ZNF251: variants seen among roughly 807,000 people sequenced by gnomAD.
The protein encoded by ZNF251 is zinc finger protein 251.
A neutral mutation model predicts 13.5 loss-of-function variants in ZNF251; 14 were observed. The ratio of observed to expected loss-of-function variants is 1.04; its 90% CI spans 0.69 to 1.63. The LOEUF is 1.63. ZNF251 is among the 40% of genes most tolerant of loss of function. The probability of loss-of-function intolerance (pLI) is 0.00; values close to 1 mark genes in which losing one functional copy is unlikely to be tolerated. For synonymous variants in ZNF251, 287 were observed against 295.2 expected (o/e 0.97, Z 0.28); for missense variants, 764 against 834.9 (o/e 0.92, Z 1.05).
At chr8:144,729,783 C>T (rs1338423255) in intron 4 of ZNF251, among the ~76,000 whole-genome samples, 2 of 152,132 alleles carry the variant, frequency 1.3e-5, no homozygotes, top group African/African-American at 2.4e-5. Context: ...AGAGCTTGAG[C>T]CCACGAGGTG....
In ZNF251 at chr8:144,722,228, G is replaced by A. The variant is rs778549187; in HGVS notation, c.1432C>T (p.Leu478=). The change falls in exon 5 of 5, where the codon CTA becomes TTA. Residue 478 remains leucine (L), a synonymous_variant. Coordinates refer to ENST00000292562, the MANE Select transcript of ZNF251 (RefSeq NM_138367.2). This position sits in a 1 kb window ranked among gnomAD's most constrained non-coding sequence, Gnocchi z 4.8. ...KAFSQSSQLT[L]HQRVHTGEKP... Reference sequence around the variant, plus strand: ...TCTCCAGTGTGAACTCGCTGATGTAGGGTGAGCTGGGAGCTCTGGCTGAAA... The same window carrying A: ...TCTCCAGTGTGAACTCGCTGATGTAAGGTGAGCTGGGAGCTCTGGCTGAAA... The A allele has an allele frequency of 2.5e-6, 4 of 1,613,832 alleles. No individual in the cohort carries two copies. In the East Asian group the frequency reaches 6.7e-5, roughly 27 times the overall value.
At chr8:144,746,957 T>C (rs1824457465) in intron 4 of ZNF251, among the ~76,000 whole-genome samples, 1 of 152,196 alleles carries the variant, frequency 6.6e-6, no homozygotes, top group South Asian at 2.1e-4. Flanking sequence ...CTGTTTTCCA[T>C]TTCATTGATT....
In ZNF251 at chr8:144,745,022, C is replaced by A. The variant is rs184368672; in HGVS notation, c.277+8661G>T. Among the ~76,000 whole-genome samples the A allele has an allele frequency of 2.2e-3, 337 of 152,228 alleles. 1 individual carries two copies. Among genetic ancestry groups the A allele is most frequent in the African/African-American group, 7.1e-3 (294 of 41,538 alleles). On this transcript the variant is annotated intron_variant, in intron 4 of 4. Transcript: ENST00000292562. ...AGTGAGCAGAGATTGTGCTACAGCACCCCAGCCTGGGTGACCAGAACGAGA... is the reference window on the plus strand; with the variant it reads ...AGTGAGCAGAGATTGTGCTACAGCAACCCAGCCTGGGTGACCAGAACGAGA...
At chr8:144,732,609 G>GTTT (rs1563758729) in intron 4 of ZNF251, among the ~76,000 whole-genome samples, 64 of 151,218 alleles carry the variant, frequency 4.2e-4, no homozygotes, top group African/African-American at 1.5e-3. Context: ...TCAGGAGATG[G>GTTT]AGACCATCCT....
chr8:144,724,176 GGAGCGAACCCGGGAGGCA>G (rs1169345365), intron 4 of ZNF251, among the ~76,000 whole-genome samples: 1 of 151,092 alleles, frequency 6.6e-6, no homozygotes, highest in Non-Finnish European at 1.5e-5. Context: ...CCCAGGAGGC[GGAGCGAACCCGGGAGGCA>G]GAGCTTGCAG....
At chr8:144,754,607 T>G in intron 2 of ZNF251, 89 bp downstream of exon 2, 1 of 1,502,494 alleles carries the variant, frequency 6.7e-7, no homozygotes, top group South Asian at 1.4e-5. Context: ...GCCTTACCAG[T>G]TGCCGGGCTC....
At chr8:144,747,932 T>G (rs1436584766) in intron 4 of ZNF251, among the ~76,000 whole-genome samples, 1 of 151,844 alleles carries the variant, frequency 6.6e-6, no homozygotes, top group East Asian at 1.9e-4. Flanking sequence ...TTTTTAGAGA[T>G]AGTGTCTCAC....
At position 144,723,185 on chromosome 8, in the gene ZNF251, T is replaced by C; in HGVS notation, c.475A>G (p.Asn159Asp). The change falls in exon 5 of 5, where the codon AAT (asparagine) becomes GAT (aspartate). Residue 159 changes from asparagine (N) to aspartate (D), a missense_variant. Asn to Asp is a conservative substitution (Grantham distance 23). Coordinates refer to ENST00000292562, the MANE Select transcript of ZNF251 (RefSeq NM_138367.2). ...TCTGTTAAAACTCTCTTGTGAATAT[T>C]GGGTTTGTTCAAACTCTGCCCGGCA... Reference protein sequence around the residue: ...NSAGQSLNKPNIHKRVLTEAT... With the variant: ...NSAGQSLNKPDIHKRVLTEAT... The C allele has an allele frequency of 6.2e-7, 1 of 1,612,310 alleles. No individual in the cohort carries two copies. The highest frequency in any genetic ancestry group is 8.5e-7 in the Non-Finnish European group (1 of 1,179,022).
At chr8:144,747,590 AT>A (rs1472746456) in intron 4 of ZNF251, among the ~76,000 whole-genome samples, 9 of 152,324 alleles carry the variant, frequency 5.9e-5, no homozygotes, top group African/African-American at 2.2e-4. Flanking sequence ...TTGTAGTTCT[AT>A]CAGTTTTCGC....
rs763532153 is a variant in ZNF251, at chr8:144,722,409, G to A, written c.1251C>T (p.Asn417=). The change falls in exon 5 of 5, where the codon AAC becomes AAT. Residue 417 remains asparagine, a synonymous_variant. Coordinates refer to ENST00000292562, the MANE Select transcript of ZNF251 (RefSeq NM_138367.2). The surrounding 1 kb of genome is among the most constrained non-coding windows in gnomAD (Gnocchi z 4.8). The part of the protein sequence containing the change: ...CNECGRAFGF[N]SHLTEHVRIH... The stretch of plus-strand genomic sequence containing the variant: ...TCCTTACGTGTTCAGTAAGATGAGA[G>A]TTAAAACCAAAGGCTCTGCCGCATT... 15 of 1,613,822 alleles carry A rather than the reference G, an allele frequency of 9.3e-6. No homozygotes were observed. In the East Asian group the frequency reaches 3.1e-4, roughly 34 times the overall value.
chr8:144,728,640 G>A (rs1214152119), intron 4 of ZNF251, among the ~76,000 whole-genome samples: 1 of 146,862 alleles, frequency 6.8e-6, no homozygotes, highest in African/African-American at 2.6e-5. Flanking sequence ...TCCAGTCTGG[G>A]CGACAGAGCA....
At chr8:144,725,021 T>A (rs1252451550) in intron 4 of ZNF251, among the ~76,000 whole-genome samples, 1 of 152,200 alleles carries the variant, frequency 6.6e-6, no homozygotes, top group Admixed American at 6.5e-5. Context: ...TTCTTGTTTT[T>A]TTTTTCTTTG....
At position 144,723,103 on chromosome 8, in the gene ZNF251, A is replaced by G; in HGVS notation, c.557T>C (p.Phe186Ser). 6.2e-7 allele frequency: 1 copy of G among 1,613,990 alleles called. No homozygotes were observed. Among genetic ancestry groups the G allele is most frequent in the Non-Finnish European group, 8.5e-7 (1 of 1,179,874 alleles). ...LGERTQECSAFDRNLNLDQNV... is the reference protein window; with the variant it reads ...LGERTQECSASDRNLNLDQNV... ...TTGGTCCAGATTCAAGTTTCTATCAAATGCACTACACTCTTGGGTTCTTTC... is the reference window on the plus strand; with the variant it reads ...TTGGTCCAGATTCAAGTTTCTATCAGATGCACTACACTCTTGGGTTCTTTC... Residue 186 changes from phenylalanine to serine, a missense_variant, in exon 5 of 5, where the codon TTT (phenylalanine) becomes TCT (serine). Phe to Ser is a radical substitution (Grantham distance 155). Coordinates refer to ENST00000292562, the MANE Select transcript of ZNF251 (RefSeq NM_138367.2).
chr8:144,732,648 T>TA (rs1366981349), intron 4 of ZNF251, among the ~76,000 whole-genome samples: 1 of 151,318 alleles, frequency 6.6e-6, no homozygotes, highest in Non-Finnish European at 1.5e-5. Context: ...CCGTCTCTAC[T>TA]AAAAATACAA....
intron 4 of ZNF251, among the ~76,000 whole-genome samples, chr8:144,743,606 G>A (rs919415626): frequency 6.6e-6 from 1 of 152,188 alleles, no homozygotes; most frequent in African/African-American, 2.4e-5. Flanking sequence ...GGATCACATG[G>A]TAAAGGTATG....
In ZNF251 at chr8:144,721,477, G is replaced by C; in HGVS notation, c.*167C>G. 1.5e-6 allele frequency: 1 copy of C among 681,496 alleles called. No homozygotes were observed. Among genetic ancestry groups the C allele is most frequent in the Non-Finnish European group, 2.1e-6 (1 of 483,364 alleles). 42.2% of individuals were successfully genotyped at this position (681,496 alleles called of 1,614,324 possible). A position where few individuals can be genotyped will look rare whatever the true frequency, so the allele number is the denominator to read the frequency against. ...CACAGACAGCCTGATTTCCCAGAAT[G>C]AATTCTCGTGTTTACTTCCAGATTT... On this transcript the variant is annotated 3_prime_UTR_variant, in exon 5 of 5. Coordinates refer to ENST00000292562, the MANE Select transcript of ZNF251 (RefSeq NM_138367.2).
At chr8:144,750,501 G>C (rs1824641951) in intron 4 of ZNF251, among the ~76,000 whole-genome samples, 1 of 152,154 alleles carries the variant, frequency 6.6e-6, no homozygotes, top group Admixed American at 6.5e-5. Flanking sequence ...AGCAGGTTAG[G>C]CCCTGGTAAA....
intron 4 of ZNF251, among the ~76,000 whole-genome samples, chr8:144,733,725 T>C (rs911500922): frequency 6.6e-6 from 1 of 152,200 alleles, no homozygotes; most frequent in South Asian, 2.1e-4. Context: ...CCGACCTCCA[T>C]GTGGCCTTCA....
At chr8:144,735,550 C>T (rs575933298) in intron 4 of ZNF251, among the ~76,000 whole-genome samples, 1 of 152,236 alleles carries the variant, frequency 6.6e-6, no homozygotes, top group East Asian at 1.9e-4. Context: ...ACATCTGTCC[C>T]TCAATGTGGC....
Sources: allele counts gnomAD v4.1 joint callset (sites outside exome capture counted in the v4.1 genomes callset), GRCh38; gene constraint gnomAD v4.1.1; non-coding constraint Gnocchi (gnomAD v3.1); transcripts MANE v1.5; gene names NCBI Gene and HGNC (gene_info 2026-07-23, HGNC 2026-07-21).